Variants in PCGF5 observed in about 807,000 individuals in gnomAD.
PCGF5 encodes polycomb group RING finger protein 5.
In PCGF5, 9 loss-of-function variants were observed where a neutral mutation model predicts 44.3. The observed-to-expected ratio is 0.20, with a 90% confidence interval of 0.12 to 0.35. The LOEUF (loss-of-function observed/expected upper bound fraction) is 0.35. Among genes scored for constraint, PCGF5 ranks in the 10% least tolerant of loss-of-function variants. The pLI, the probability that PCGF5 is intolerant of heterozygous loss-of-function variation, is 1.00. For synonymous variants in PCGF5, 95 were observed against 102.5 expected, an observed-to-expected ratio of 0.93 and a Z score of 0.44; for missense variants, 146 against 305.3, an observed-to-expected ratio of 0.48 and a Z score of 3.89.
At chr10:91,261,711 G>A (rs1845915082) in intron 7 of PCGF5, among the ~76,000 whole-genome samples, 1 of 152,158 alleles carries the variant, frequency 6.6e-6, no homozygotes. Context: ...AAATATACCA[G>A]CTAAATGTAT....
chr10:91,236,143 C>A (rs761733041), intron 2 of PCGF5, among the ~76,000 whole-genome samples: 9 of 152,036 alleles, frequency 5.9e-5, no homozygotes, highest in African/African-American at 9.7e-5. Flanking sequence ...TGCCAGGGAC[C>A]AAATGTTACT....
At chr10:91,187,168 T>C (rs983586011) in intron 1 of PCGF5, among the ~76,000 whole-genome samples, 1 of 152,188 alleles carries the variant, frequency 6.6e-6, no homozygotes, top group Non-Finnish European at 1.5e-5. Context: ...TAAAAAATAC[T>C]GGTATCTGGG....
At chr10:91,231,317 A>AT (rs1844996532) in intron 2 of PCGF5, among the ~76,000 whole-genome samples, 1 of 152,220 alleles carries the variant, frequency 6.6e-6, no homozygotes, top group Admixed American at 6.5e-5. Flanking sequence ...TGTGTATTAT[A>AT]TTAGGTGATA....
chr10:91,172,280 G>A (rs886714428), intron 1 of PCGF5, among the ~76,000 whole-genome samples: 4 of 152,108 alleles, frequency 2.6e-5, no homozygotes, highest in East Asian at 1.9e-4. Flanking sequence ...TTAGCTGGGC[G>A]TGGTGGCATG....
At chr10:91,230,660 C>T (rs1304208022) in intron 2 of PCGF5, among the ~76,000 whole-genome samples, 1 of 152,158 alleles carries the variant, frequency 6.6e-6, no homozygotes, top group Non-Finnish European at 1.5e-5. Flanking sequence ...GGCTGGAGTG[C>T]AGTGGCAAGA....
intron 1 of PCGF5, among the ~76,000 whole-genome samples, chr10:91,168,184 C>T (rs953021369): frequency 6.6e-6 from 1 of 152,064 alleles, no homozygotes; most frequent in African/African-American, 2.4e-5. Context: ...GATGGTGAAC[C>T]TGTCAGAAAG....
intron 1 of PCGF5, among the ~76,000 whole-genome samples, chr10:91,202,076 C>A (rs1844262723): frequency 6.6e-6 from 1 of 152,204 alleles, no homozygotes; most frequent in Admixed American, 6.5e-5. Flanking sequence ...GCCTCAATTT[C>A]TTCTTTCCCA....
At chr10:91,158,830 A>G (rs1312430924), upstream of PCGF5, among the ~76,000 whole-genome samples, 2 of 152,250 alleles carry the variant, frequency 1.3e-5, no homozygotes, top group Admixed American at 1.3e-4. Flanking sequence ...TAATTTGAAT[A>G]TCTTTAACTC....
intron 9 of PCGF5, among the ~76,000 whole-genome samples, chr10:91,276,117 C>A (rs1474387816): frequency 5.7e-5 from 8 of 140,626 alleles, no homozygotes; most frequent in African/African-American, 2.0e-4. Flanking sequence ...AAAAAAAAAA[C>A]GAATGTAGAT....
chr10:91,159,784 G>A (rs1432058762), upstream of PCGF5, among the ~76,000 whole-genome samples: 1 of 152,032 alleles, frequency 6.6e-6, no homozygotes, highest in Non-Finnish European at 1.5e-5. Context: ...GATAATTCAA[G>A]GTCAGATAAA....
chr10:91,226,694 T>C (rs1222107034), intron 2 of PCGF5, among the ~76,000 whole-genome samples: 3 of 151,684 alleles, frequency 2.0e-5, no homozygotes, highest in South Asian at 2.1e-4. Flanking sequence ...TAGGTAGATA[T>C]AGAAAGAAGG....
At chr10:91,159,648 G>GT (rs1270011664), upstream of PCGF5, among the ~76,000 whole-genome samples, 1 of 152,230 alleles carries the variant, frequency 6.6e-6, no homozygotes, top group African/African-American at 2.4e-5. Context: ...GTTTATGGTA[G>GT]TTTGTTATGG....
At chr10:91,262,766 C>A (rs939917980) in intron 7 of PCGF5, among the ~76,000 whole-genome samples, 2 of 152,082 alleles carry the variant, frequency 1.3e-5, no homozygotes, top group Admixed American at 6.5e-5. Flanking sequence ...CTATAAAGCC[C>A]AATGTACTTG....
intron 6 of PCGF5, among the ~76,000 whole-genome samples, chr10:91,256,718 C>T (rs1845761350): frequency 6.6e-6 from 1 of 151,904 alleles, no homozygotes; most frequent in Non-Finnish European, 1.5e-5. Flanking sequence ...CACAAAGGAC[C>T]CCCAGTAGGG....
At chr10:91,242,135 G>A (rs1490840124) in intron 3 of PCGF5, among the ~76,000 whole-genome samples, 1 of 150,404 alleles carries the variant, frequency 6.6e-6, no homozygotes, top group African/African-American at 2.5e-5. Context: ...AGCAATATCT[G>A]GAGACATTTT....
upstream of PCGF5, among the ~76,000 whole-genome samples, chr10:91,162,631 C>G (rs1201747131): frequency 6.6e-6 from 1 of 151,856 alleles, no homozygotes; most frequent in Non-Finnish European, 1.5e-5. Flanking sequence ...CACGCCCGCC[C>G]GGGGCAGCCG....
chr10:91,164,945 G>C (rs1589343735), intron 1 of PCGF5, among the ~76,000 whole-genome samples: 3 of 152,296 alleles, frequency 2.0e-5, no homozygotes, highest in African/African-American at 7.2e-5. Flanking sequence ...TAGGGATTTG[G>C]GCTGTTTTGT....
chr10:91,188,266 C>T (rs113233061), intron 1 of PCGF5, among the ~76,000 whole-genome samples: 6,626 of 152,198 alleles, frequency 0.044, 430 homozygotes, highest in African/African-American at 0.15. Flanking sequence ...TTGCCTCACT[C>T]GGGAAGCGCA....
chr10:91,202,476 G>A (rs1245094194), intron 1 of PCGF5, among the ~76,000 whole-genome samples: 1 of 152,202 alleles, frequency 6.6e-6, no homozygotes, highest in Non-Finnish European at 1.5e-5. Context: ...CAGGATTGTT[G>A]TGAGGATTAA....
Sources: allele counts gnomAD v4.1 joint callset (sites outside exome capture counted in the v4.1 genomes callset), GRCh38; gene constraint gnomAD v4.1.1; transcripts MANE v1.5; gene names NCBI Gene and HGNC (gene_info 2026-07-23, HGNC 2026-07-21).